The following CLASP1 variants were observed in gnomAD, a reference collection of about 807,000 sequenced individuals.
The protein encoded by CLASP1 is cytoplasmic linker associated protein 1, also known as CLIP-associating protein 1.
Under a neutral mutation model 192.3 loss-of-function variants are expected in CLASP1, and 38 were observed. The observed-to-expected ratio is 0.20, with a 90% CI of 0.15 to 0.26. The LOEUF (loss-of-function observed/expected upper bound fraction) is 0.26. Ranked by LOEUF, CLASP1 falls within the 10% of genes least tolerant of loss-of-function variation. The probability of loss-of-function intolerance (pLI) is 1.00; values close to 1 mark genes in which losing one functional copy is unlikely to be tolerated. For missense variants in CLASP1, 1,433 were observed against 1,932.5 expected, an observed-to-expected ratio of 0.74 and a Z score of 4.85; for synonymous variants, 691 against 712.8, an observed-to-expected ratio of 0.97 and a Z score of 0.49.
exon 40 of CLASP1, chr2:121,338,246 A>G (rs1397253837): frequency 6.6e-6 from 1 of 152,286 alleles, no homozygotes; most frequent in Non-Finnish European, 1.5e-5. Flanking sequence ...TGAGGCGCAT[A>G]GAAAAGGCAG....
intron 1 of CLASP1, among the ~76,000 whole-genome samples, chr2:121,644,238 C>A (rs2072689641): frequency 6.6e-6 from 1 of 151,574 alleles, no homozygotes; most frequent in East Asian, 1.9e-4. Context: ...CCAGAATGCA[C>A]AAGGAAATTT....
At chr2:121,456,070 T>C (rs550895421) in intron 14 of CLASP1, among the ~76,000 whole-genome samples, 5 of 152,268 alleles carry the variant, frequency 3.3e-5, no homozygotes, top group African/African-American at 1.2e-4. Flanking sequence ...AGATTTCAAG[T>C]GTTCTCACCA....
At chr2:121,485,827 G>A (rs969835898) in intron 8 of CLASP1, among the ~76,000 whole-genome samples, 3 of 152,174 alleles carry the variant, frequency 2.0e-5, no homozygotes, top group African/African-American at 7.2e-5. Flanking sequence ...GTAAATGCCC[G>A]TCCTGTGCCT....
intron 14 of CLASP1, among the ~76,000 whole-genome samples, chr2:121,453,249 T>C (rs920708760): frequency 6.6e-6 from 1 of 152,098 alleles, no homozygotes; most frequent in Admixed American, 6.6e-5. Context: ...GAACTATGAT[T>C]GCACCACTGC....
chr2:121,490,652 A>T (rs2093254846), intron 8 of CLASP1, among the ~76,000 whole-genome samples: 1 of 152,274 alleles, frequency 6.6e-6, no homozygotes. Flanking sequence ...ATTTCCACAC[A>T]GAAAATAAAA....
chr2:121,557,752 A>C (rs1449784029), intron 2 of CLASP1, among the ~76,000 whole-genome samples: 1 of 151,014 alleles, frequency 6.6e-6, no homozygotes, highest in African/African-American at 2.4e-5. Flanking sequence ...GTAATACTTC[A>C]TCTTGGAAAA....
At chr2:121,363,329 A>C in intron 36 of CLASP1, 29 bp from the exon 38 acceptor site, 2 of 1,611,586 alleles carry the variant, frequency 1.2e-6, no homozygotes, top group Non-Finnish European at 1.7e-6. Flanking sequence ...GGAAGACATC[A>C]CCAAACACCA....
At chr2:121,578,500 C>T (rs112684792) in intron 2 of CLASP1, among the ~76,000 whole-genome samples, 5,737 of 148,970 alleles carry the variant, frequency 0.039, 158 homozygotes, top group East Asian at 0.14. Context: ...GAGGCCGAGG[C>T]TGGCGGATCA....
intron 2 of CLASP1, among the ~76,000 whole-genome samples, chr2:121,565,008 G>A (rs1381504313): frequency 1.3e-5 from 2 of 152,200 alleles, no homozygotes; most frequent in Non-Finnish European, 2.9e-5. Flanking sequence ...GGGGAAAGAC[G>A]AGGAGGAGGC....
At chr2:121,369,171 ATG>A (rs2068060874) in intron 34 of CLASP1, among the ~76,000 whole-genome samples, 1 of 152,242 alleles carries the variant, frequency 6.6e-6, no homozygotes, top group African/African-American at 2.4e-5. Context: ...TAATGCTGCT[ATG>A]ACACACTGGT....
chr2:121,440,437 C>T (rs948584437), intron 19 of CLASP1, among the ~76,000 whole-genome samples: 4 of 152,168 alleles, frequency 2.6e-5, no homozygotes, highest in Non-Finnish European at 4.4e-5. Context: ...CAGTGGCTCA[C>T]GCCTGTAATC....
intron 19 of CLASP1, among the ~76,000 whole-genome samples, chr2:121,441,193 C>T (rs2083278509): frequency 6.6e-6 from 1 of 152,142 alleles, no homozygotes; most frequent in South Asian, 2.1e-4. Context: ...CTGTTCCCTA[C>T]GTGTTTCAAA....
rs547536269 is a variant in CLASP1, at chr2:121,596,378, G to A, written c.195+9323C>T. On this transcript the variant is annotated intron_variant, in intron 2 of 39. Coordinates refer to ENST00000263710, the Ensembl canonical transcript of CLASP1. ...AGATGTGTCACTTGGTGGCAGTAGC[G>A]AGGAGACTGCCAGAAAAGGAAACAG... is the stretch of plus-strand genomic sequence containing the variant. 6.6e-5 allele frequency among the ~76,000 whole-genome samples: 10 copies of A among 152,280 alleles called. No homozygotes were observed. The South Asian group carries it at 1.2e-3, about 19-fold the overall frequency.
At chr2:121,605,318 G>C (rs2105909762) in intron 2 of CLASP1, among the ~76,000 whole-genome samples, 1 of 152,254 alleles carries the variant, frequency 6.6e-6, no homozygotes, top group East Asian at 1.9e-4. Context: ...CAATCCCCCA[G>C]AGAAAATCAG....
intron 1 of CLASP1, among the ~76,000 whole-genome samples, chr2:121,629,529 G>A (rs1054585809): frequency 3.3e-5 from 5 of 152,098 alleles, no homozygotes; most frequent in African/African-American, 1.2e-4. Context: ...GGTGGCTCAC[G>A]CCGGTAATCC....
chr2:121,515,900 T>C (rs531768890), intron 6 of CLASP1, 138 bp from the exon 7 acceptor site: 2 of 672,184 alleles, frequency 3.0e-6, no homozygotes, highest in Admixed American at 5.0e-5. Context: ...TTATATACAT[T>C]TGTCTAGAGA....
intron 2 of CLASP1, among the ~76,000 whole-genome samples, chr2:121,542,540 T>C (rs1410823222): frequency 6.6e-6 from 1 of 152,210 alleles, no homozygotes; most frequent in Non-Finnish European, 1.5e-5. Flanking sequence ...CATACACATG[T>C]ACGATGGCAG....
intron 1 of CLASP1, among the ~76,000 whole-genome samples, chr2:121,636,785 G>A (rs2070966898): frequency 6.6e-6 from 1 of 152,050 alleles, no homozygotes; most frequent in Non-Finnish European, 1.5e-5. Context: ...ACACAAAAAA[G>A]TCCTAAGGCA....
chr2:121,452,195 C>A (rs1338346871), intron 14 of CLASP1, among the ~76,000 whole-genome samples: 9 of 152,156 alleles, frequency 5.9e-5, no homozygotes, highest in Admixed American at 5.9e-4. Flanking sequence ...TGTACACATG[C>A]ACAGAAGATC....
Sources: gnomAD v4.1 joint callset for allele counts (sites outside exome capture counted in the v4.1 genomes callset) on GRCh38, gnomAD v4.1.1 for gene constraint, MANE v1.5 for transcripts, NCBI Gene and HGNC (gene_info 2026-07-23, HGNC 2026-07-21) for gene names.